WDFY4: variants seen among roughly 807,000 people sequenced by gnomAD.
WDFY4 encodes WD repeat- and FYVE domain-containing protein 4.
In WDFY4, 169 loss-of-function variants were observed where a neutral mutation model predicts 351.9. The observed-to-expected ratio is 0.48, with a 90% confidence interval of 0.42 to 0.55. The LOEUF is 0.55. Ranked by LOEUF, WDFY4 falls within the 20% of genes least tolerant of loss-of-function variation. The pLI is 0.00. For synonymous variants in WDFY4, 1,622 were observed against 1,574.6 expected (o/e 1.03, Z -0.71); for missense variants, 3,803 against 3,935.6 (o/e 0.97, Z 0.90).
Position 48,776,962 on chromosome 10 carries a change from G to A in WDFY4, c.3076G>A (p.Asp1026Asn). The A allele has an allele frequency of 6.4e-7, 1 of 1,552,332 alleles. No individual in the cohort carries two copies. The highest frequency in any genetic ancestry group is 1.2e-5 in the South Asian group (1 of 84,022). Residue 1026 changes from aspartate to asparagine, a missense_variant, in exon 16 of 62, where the codon GAC (aspartate) becomes AAC (asparagine). Physicochemically the swap from Asp to Asn is conservative, Grantham distance 23. Around this residue, in one of 3 missense-constraint regions of WDFY4, gnomAD observed 3,054 missense variants for 3,148.6 expected, o/e 0.97. Transcript: ENST00000325239. ...AALAPSFVEF[D>N]MSVEGYGCLF... ...CCTGGCCCCATCGTTTGTGGAATTT[G>A]ACATGTCCGTGGAAGGTTATGGGTA...
chr10:48,982,229 G>T (rs1842840013), intron 61 of WDFY4, among the ~76,000 whole-genome samples: 1 of 152,212 alleles, frequency 6.6e-6, no homozygotes. Context: ...GACTCACCTG[G>T]AGGCACTGGA....
chr10:48,754,879 G>C (rs1343474661), intron 12 of WDFY4, among the ~76,000 whole-genome samples: 2 of 152,168 alleles, frequency 1.3e-5, no homozygotes, highest in Non-Finnish European at 2.9e-5. Context: ...AACATGGGCA[G>C]GGTGTTGGAA....
At position 48,826,806 on chromosome 10, in the gene WDFY4, G is replaced by A. The variant is rs1304282230; in HGVS notation, c.6118G>A (p.Gly2040Ser). ...ATGCCTCGGCCTTCTCAGCATCCTG[G>A]GCTTTCTGCAGGAGCACTGGGATGT... is the stretch of plus-strand genomic sequence containing the variant. ...SECLGLLSIL[G>S]FLQEHWDVVF... The change falls in exon 36 of 62, where the codon GGC (glycine) becomes AGC (serine). Residue 2040 changes from glycine to serine, a missense_variant. Transcript: ENST00000325239. 1.3e-6 allele frequency: 2 copies of A among 1,551,740 alleles called. No individual in the cohort carries two copies. The highest frequency in any genetic ancestry group is 1.4e-5 in the African/African-American group (1 of 73,008).
chr10:48,832,778 T>G, intron 39 of WDFY4, 69 bp downstream of exon 39: 5 of 1,424,250 alleles, frequency 3.5e-6, no homozygotes, highest in Non-Finnish European at 4.6e-6. Context: ...GTCATATCTC[T>G]TCTTTGCTGC....
chr10:48,759,708 C>T (rs535824481), intron 12 of WDFY4, among the ~76,000 whole-genome samples: 49 of 152,304 alleles, frequency 3.2e-4, no homozygotes, highest in African/African-American at 1.2e-3. Flanking sequence ...TCTCTTGGAG[C>T]TCTTTCCATC....
chr10:48,945,685 C>T (rs1841006592), intron 49 of WDFY4, among the ~76,000 whole-genome samples: 1 of 152,174 alleles, frequency 6.6e-6, no homozygotes, highest in African/African-American at 2.4e-5. Flanking sequence ...AGCAAGGACC[C>T]TGAACTATTG....
rs2064023253 is a variant in WDFY4 at position 48,719,872 on chromosome 10, G to A, written c.235-139G>A. The A allele has an allele frequency of 4.4e-6, 3 of 682,374 alleles. No homozygotes were observed. The Admixed American group carries it at 6.9e-5, about 16-fold the overall frequency. 42.3% of individuals were successfully genotyped at this position (682,374 alleles called of 1,614,324 possible). On this transcript the variant is annotated intron_variant, in intron 2 of 61. Coordinates refer to ENST00000325239, the MANE Select transcript of WDFY4 (RefSeq NM_001394531.1). The stretch of plus-strand genomic sequence containing the variant: ...GATGGTTGAGGCTGTGAGGGTGGGT[G>A]ACGTGGTGGCCTTTTGCATGCACCT...
intron 44 of WDFY4, among the ~76,000 whole-genome samples, chr10:48,894,702 A>G (rs1836985724): frequency 6.6e-6 from 1 of 152,172 alleles, no homozygotes; most frequent in South Asian, 2.1e-4. Context: ...GGGAGAGAGA[A>G]CAGCCAGACC....
rs1565199619 is a variant in WDFY4 at position 48,788,032 on chromosome 10, T to TCCTTCTCCTTCTCCTTC, written c.3809-498_3809-497insCCTTCTCCTTCTCCTTC. ...TCTCCTTCTCCTTCTCCTTCTCCTT[T>TCCTTCTCCTTCTCCTTC]TCCTTCTTCTTCTTCGACAGAGTCT... is the stretch of plus-strand genomic sequence containing the variant. On this transcript the variant is annotated intron_variant, in intron 20 of 61. Transcript: ENST00000325239. Among the ~76,000 whole-genome samples the TCCTTCTCCTTCTCCTTC allele has an allele frequency of 4.9e-4, 47 of 96,172 alleles. 5 individuals are homozygous for TCCTTCTCCTTCTCCTTC. Among genetic ancestry groups the TCCTTCTCCTTCTCCTTC allele is most frequent in the African/African-American group, 2.2e-3 (45 of 20,288 alleles). 63.1% of individuals were successfully genotyped at this position (96,172 alleles called of 152,430 possible).
intron 47 of WDFY4, among the ~76,000 whole-genome samples, chr10:48,912,540 C>T (rs1259685056): frequency 1.3e-5 from 2 of 152,210 alleles, no homozygotes; most frequent in Non-Finnish European, 2.9e-5. Flanking sequence ...TGCTCTGCCC[C>T]ATCTCATTTC....
chr10:48,778,584 T>G, intron 17 of WDFY4, 27 bp from the exon 18 acceptor site: 1 of 1,545,998 alleles, frequency 6.5e-7, no homozygotes. Flanking sequence ...GAACAAAGCC[T>G]GAGGGCATGC....
intron 2 of WDFY4, 88 bp downstream of exon 2, chr10:48,710,054 T>TGTC: frequency 1.6e-6 from 2 of 1,262,358 alleles, no homozygotes; most frequent in Non-Finnish European, 2.2e-6. Flanking sequence ...ATGGTTTTAA[T>TGTC]GTCATCCCAA....
Position 48,757,115 on chromosome 10 carries a change from A to G in WDFY4, c.2460-3232A>G, listed in dbSNP as rs369672544. Among the ~76,000 whole-genome samples the G allele has an allele frequency of 3.2e-4, 49 of 152,226 alleles. 1 individual carries two copies. Among genetic ancestry groups the G allele is most frequent in the Admixed American group, 1.4e-3 (21 of 15,292 alleles). Reference sequence around the variant, plus strand: ...TACATATTCGGTTTTTGTAATAGCTATAAATGATTTAGGCAACTTATTTCT... The same window carrying G: ...TACATATTCGGTTTTTGTAATAGCTGTAAATGATTTAGGCAACTTATTTCT... On this transcript the variant is annotated intron_variant, in intron 12 of 61. Coordinates refer to ENST00000325239, the MANE Select transcript of WDFY4 (RefSeq NM_001394531.1).
At chr10:48,859,818 A>C (rs2069272090) in intron 39 of WDFY4, among the ~76,000 whole-genome samples, 1 of 152,214 alleles carries the variant, frequency 6.6e-6, no homozygotes, top group Non-Finnish European at 1.5e-5. Context: ...TTCAAGTAAA[A>C]ATATGTGGAT....
intron 39 of WDFY4, among the ~76,000 whole-genome samples, chr10:48,833,882 C>T (rs1389997111): frequency 6.6e-6 from 1 of 152,206 alleles, no homozygotes; most frequent in African/African-American, 2.4e-5. Context: ...GGCCCATGAA[C>T]TTCGGGAAAT....
At chr10:48,968,930 C>T in intron 55 of WDFY4, 134 bp from the exon 56 acceptor site, 1 of 882,004 alleles carries the variant, frequency 1.1e-6, no homozygotes, top group Non-Finnish European at 1.7e-6. Context: ...GCCCAGGGCC[C>T]AGCTGCAGTG....
chr10:48,733,890 T>C (rs546582804), intron 9 of WDFY4, 41 bp from the exon 10 acceptor site: 1 of 1,531,286 alleles, frequency 6.5e-7, no homozygotes, highest in South Asian at 1.2e-5. Flanking sequence ...TCATACCACA[T>C]GTACTTAATT....
intron 48 of WDFY4, among the ~76,000 whole-genome samples, chr10:48,942,725 G>A (rs997250885): frequency 2.0e-5 from 3 of 152,264 alleles, no homozygotes; most frequent in African/African-American, 7.2e-5. Context: ...ACATGTCAGA[G>A]ATGACGGCTG....
At chr10:48,784,302 G>T (rs561945891) in intron 19 of WDFY4, among the ~76,000 whole-genome samples, 1 of 152,180 alleles carries the variant, frequency 6.6e-6, no homozygotes, top group African/African-American at 2.4e-5. Context: ...TGACATTTCC[G>T]CTAACAATGG....
Sources: allele counts gnomAD v4.1 joint callset (sites outside exome capture counted in the v4.1 genomes callset), GRCh38; gene constraint gnomAD v4.1.1; regional missense constraint gnomAD v4.1.1; transcripts MANE v1.5; gene names NCBI Gene and HGNC (gene_info 2026-07-23, HGNC 2026-07-21).